CAMTA1: variants seen among roughly 807,000 people sequenced by gnomAD.
The protein encoded by CAMTA1 is calmodulin-binding transcription activator 1.
A neutral mutation model predicts 170.9 loss-of-function variants in CAMTA1; 27 were observed. The ratio of observed to expected loss-of-function variants is 0.16; its 90% confidence interval spans 0.12 to 0.22. The LOEUF is 0.22. Ranked by LOEUF, CAMTA1 falls within the 10% of genes least tolerant of loss-of-function variation. CAMTA1 has a pLI of 1.00. For synonymous variants in CAMTA1, 833 were observed against 891.5 expected, an observed-to-expected ratio of 0.93 and a Z score of 1.17; for missense variants, 1,619 against 2,217.2, an observed-to-expected ratio of 0.73 and a Z score of 5.42.
chr1:6,896,307 T>C (rs908211260), intron 3 of CAMTA1, among the ~76,000 whole-genome samples: 2 of 152,194 alleles, frequency 1.3e-5, no homozygotes, highest in African/African-American at 4.8e-5. Flanking sequence ...TCTTGGTCCA[T>C]AGTAGGAGTT....
chr1:7,578,794 G>A (rs530943394), intron 6 of CAMTA1, among the ~76,000 whole-genome samples: 7 of 152,274 alleles, frequency 4.6e-5, no homozygotes, highest in Non-Finnish European at 8.8e-5. Flanking sequence ...AGAGCAAGAG[G>A]CCCACTCTCT....
rs138837104 is a variant in CAMTA1 at position 7,767,903 on chromosome 1, TAAAAA to T, written c.*1418_*1422del. 2.0e-5 allele frequency: 3 copies of T among 147,380 alleles called. No homozygotes were observed. Among genetic ancestry groups the T allele is most frequent in the African/African-American group, 5.0e-5 (2 of 39,886 alleles). 9.1% of individuals were successfully genotyped at this position (147,380 alleles called of 1,614,324 possible). ...GGAAAAAAGGCAGAGTAACATTACT[TAAAAA>T]AAAAAGGATATGTTTACATTTAATT... On this transcript the variant is annotated 3_prime_UTR_variant, in exon 23 of 23. Transcript: ENST00000303635.
chr1:6,840,300 A>C (rs1312429725), intron 3 of CAMTA1, among the ~76,000 whole-genome samples: 1 of 152,200 alleles, frequency 6.6e-6, no homozygotes, highest in African/African-American at 2.4e-5. Context: ...TTATGTTCAA[A>C]GGCTTTCTTG....
chr1:7,341,557 G>A (rs1163376024), intron 5 of CAMTA1, among the ~76,000 whole-genome samples: 3 of 152,226 alleles, frequency 2.0e-5, no homozygotes, highest in African/African-American at 7.2e-5. Context: ...CACCCAGCCT[G>A]GAGCTGGCTC....
chr1:7,720,852 G>A (rs12069173), intron 11 of CAMTA1, among the ~76,000 whole-genome samples: 9 of 152,124 alleles, frequency 5.9e-5, no homozygotes, highest in African/African-American at 1.7e-4. Context: ...GCAGCCAGCC[G>A]GGCAGACACT....
At chr1:7,519,386 C>T (rs1209490954) in intron 6 of CAMTA1, among the ~76,000 whole-genome samples, 1 of 152,006 alleles carries the variant, frequency 6.6e-6, no homozygotes, top group Non-Finnish European at 1.5e-5. Context: ...GGCCACTGCT[C>T]AGGCTGTCTT....
intron 11 of CAMTA1, among the ~76,000 whole-genome samples, chr1:7,713,740 A>G (rs915519435): frequency 1.1e-4 from 17 of 152,292 alleles, no homozygotes; most frequent in African/African-American, 4.1e-4. Flanking sequence ...GCCCCCTGAA[A>G]TTGAATACAA....
chr1:7,161,783 G>A lies in CAMTA1; in HGVS notation c.302+70412G>A, dbSNP rs189109997. Among the ~76,000 whole-genome samples, 89 of 152,242 alleles carry A rather than the reference G, an allele frequency of 5.8e-4. 1 individual carries two copies. The highest frequency in any genetic ancestry group is 2.1e-3 in the African/African-American group (89 of 41,536). ...ACTAATATAAGGGCCCATTCCATCC[G>A]GGCACCAAGGGTGGAGTGGTGAAGG... On this transcript the variant is annotated intron_variant, in intron 4 of 22. Coordinates refer to ENST00000303635, the MANE Select transcript of CAMTA1 (RefSeq NM_015215.4).
chr1:7,380,659 A>G (rs1302039401), intron 5 of CAMTA1, among the ~76,000 whole-genome samples: 1 of 152,244 alleles, frequency 6.6e-6, no homozygotes, highest in East Asian at 1.9e-4. Context: ...GCCTAGTTCC[A>G]TCAGGTCTTA....
At chr1:7,139,521 G>T (rs1195361470) in intron 4 of CAMTA1, among the ~76,000 whole-genome samples, 1 of 151,832 alleles carries the variant, frequency 6.6e-6, no homozygotes, top group Non-Finnish European at 1.5e-5. Context: ...CAGTTTAAGA[G>T]CCCCTCCCTG....
chr1:7,490,201 C>A (rs1050855587), intron 6 of CAMTA1, among the ~76,000 whole-genome samples: 3 of 152,202 alleles, frequency 2.0e-5, no homozygotes, highest in African/African-American at 7.2e-5. Context: ...TGCTGAGCTT[C>A]CCTTGCTATG....
chr1:7,276,626 A>G (rs1670772075), intron 5 of CAMTA1, among the ~76,000 whole-genome samples: 1 of 151,974 alleles, frequency 6.6e-6, no homozygotes, highest in Non-Finnish European at 1.5e-5. Context: ...CATATTTAAT[A>G]GCATATTCTT....
chr1:6,951,620 A>T (rs1410176411), intron 3 of CAMTA1, among the ~76,000 whole-genome samples: 2 of 152,024 alleles, frequency 1.3e-5, no homozygotes, highest in East Asian at 3.9e-4. Context: ...CACTCAGGAG[A>T]CCCCAGTCTC....
At chr1:7,481,124 G>A (rs144362934) in intron 6 of CAMTA1, among the ~76,000 whole-genome samples, 5 of 152,130 alleles carry the variant, frequency 3.3e-5, no homozygotes, top group African/African-American at 4.8e-5. Context: ...CCTAAGCCAC[G>A]GCTCCCTCCT....
At chr1:7,746,413 A>G (rs1452586892) in intron 18 of CAMTA1, among the ~76,000 whole-genome samples, 1 of 152,216 alleles carries the variant, frequency 6.6e-6, no homozygotes, top group Admixed American at 6.5e-5. Context: ...GAGCTTTCTC[A>G]TTCTCCCAAA....
rs56904420 is a variant in CAMTA1, at chr1:7,594,200, G to GGGAAGGAAGGAA, written c.511-46170_511-46159dup. On this transcript the variant is annotated intron_variant, in intron 6 of 22. Coordinates refer to ENST00000303635, the MANE Select transcript of CAMTA1 (RefSeq NM_015215.4). ...AAAGAAAAGACAAGAAAGGAGGGAG[G>GGGAAGGAAGGAA]GGAAGGAAGGAAGGAAGGAAGGAAG... Among the ~76,000 whole-genome samples the GGGAAGGAAGGAA allele has an allele frequency of 5.7e-3, 645 of 113,702 alleles. 2 individuals carry two copies. The highest frequency in any genetic ancestry group is 0.021 in the East Asian group (86 of 4,046). 74.6% of individuals were successfully genotyped at this position (113,702 alleles called of 152,430 possible).
At chr1:7,719,564 G>C (rs2096636096) in intron 11 of CAMTA1, among the ~76,000 whole-genome samples, 1 of 152,184 alleles carries the variant, frequency 6.6e-6, no homozygotes, top group Admixed American at 6.5e-5. Flanking sequence ...TACAGAGTCA[G>C]AGAGTTTTCA....
rs144347757 is a variant in CAMTA1, at chr1:7,227,359, C to T, written c.303-22132C>T. Among the ~76,000 whole-genome samples, 254 of 152,222 alleles carry T rather than the reference C, an allele frequency of 1.7e-3. 2 individuals are homozygous for T. The highest frequency in any genetic ancestry group is 5.9e-3 in the African/African-American group (244 of 41,522). ...TCGTTTTTGTGAGATGGAGTTTTTG[C>T]TCTTGTTGCCTAGGCTGACGTGCAA... is the stretch of plus-strand genomic sequence containing the variant. On this transcript the variant is annotated intron_variant, in intron 4 of 22. Coordinates refer to ENST00000303635, the MANE Select transcript of CAMTA1 (RefSeq NM_015215.4).
At chr1:7,040,186 A>G (rs1704217020) in intron 3 of CAMTA1, among the ~76,000 whole-genome samples, 1 of 147,406 alleles carries the variant, frequency 6.8e-6, no homozygotes. Context: ...GGCTTTTAGC[A>G]TTTTGGAATA....
Sources: allele counts gnomAD v4.1 joint callset (sites outside exome capture counted in the v4.1 genomes callset), GRCh38; gene constraint gnomAD v4.1.1; transcripts MANE v1.5; gene names NCBI Gene and HGNC (gene_info 2026-07-23, HGNC 2026-07-21).